VPS13A: variants seen among roughly 807,000 people sequenced by gnomAD.
VPS13A encodes intermembrane lipid transfer protein VPS13A.
VPS13A carries 264 observed loss-of-function variants against 390.9 expected under a neutral mutation model. The observed-to-expected ratio is 0.68, with a 90% CI of 0.61 to 0.75. The LOEUF (loss-of-function observed/expected upper bound fraction) is 0.75, where lower values mean the gene tolerates loss of function less well. Among genes scored for constraint, VPS13A ranks in the 30% least tolerant of loss-of-function variants. The pLI, the probability that VPS13A is intolerant of heterozygous loss-of-function variation, is 0.00. For synonymous variants in VPS13A, 1,231 were observed against 1,227.1 expected, an observed-to-expected ratio of 1.00 and a Z score of -0.07; for missense variants, 3,409 against 3,733.9, an observed-to-expected ratio of 0.91 and a Z score of 2.27.
intron 42 of VPS13A, among the ~76,000 whole-genome samples, chr9:77,320,511 G>A (rs1829682636): frequency 1.3e-5 from 2 of 152,060 alleles, no homozygotes. Flanking sequence ...TAATGACTTG[G>A]TCAACCTGCA....
Position 77,293,357 on chromosome 9 carries a change from G to A in VPS13A, c.3356G>A (p.Gly1119Glu), listed in dbSNP as rs144358567. 2.5e-3 allele frequency: 4,048 copies of A among 1,612,310 alleles called. 26 individuals carry two copies. The highest frequency in any genetic ancestry group is 9.7e-3 in the Middle Eastern group (58 of 6,008). ...CTTATTAAGGCTGTTTATATCACTG[G>A]AAAAGAAGTTTTCAGCTTCAAAATG... ...AIYKKAVYITGKEVFSFKMVS... is the reference protein window; with the variant it reads ...AIYKKAVYITEKEVFSFKMVS... The change falls in exon 32 of 72, where the codon GGA (glycine) becomes GAA (glutamate). Residue 1119 changes from glycine (G) to glutamate (E), a missense_variant. Gly to Glu is a moderately conservative substitution (Grantham distance 98). Transcript: ENST00000360280.
chr9:77,342,948 A>T (rs1830918085), intron 50 of VPS13A, among the ~76,000 whole-genome samples: 1 of 152,112 alleles, frequency 6.6e-6, no homozygotes, highest in Non-Finnish European at 1.5e-5. Flanking sequence ...GACCTGGGGG[A>T]TGGAGTAGGA....
chr9:77,352,711 G>A (rs965312247), intron 53 of VPS13A, among the ~76,000 whole-genome samples: 1 of 152,014 alleles, frequency 6.6e-6, no homozygotes, highest in African/African-American at 2.4e-5. Flanking sequence ...TACTTAGAAA[G>A]TATTACAAGT....
At chr9:77,298,557 T>C (rs1828146805) in intron 33 of VPS13A, among the ~76,000 whole-genome samples, 1 of 152,184 alleles carries the variant, frequency 6.6e-6, no homozygotes. Context: ...CTTGGTATTT[T>C]GTATTTGGAA....
At chr9:77,334,895 G>A (rs1377865368) in intron 46 of VPS13A, among the ~76,000 whole-genome samples, 3 of 152,170 alleles carry the variant, frequency 2.0e-5, no homozygotes, top group Admixed American at 2.0e-4. Context: ...GCTTCAGTCA[G>A]GTAAGAAGGA....
At chr9:77,376,162 C>G (rs1833062002) in intron 67 of VPS13A, among the ~76,000 whole-genome samples, 1 of 152,108 alleles carries the variant, frequency 6.6e-6, no homozygotes, top group Non-Finnish European at 1.5e-5. Context: ...AGCCCTGATG[C>G]AAGAATGTGC....
Position 77,337,358 on chromosome 9 carries a change from T to C in VPS13A, c.6199T>C (p.Cys2067Arg). ...KNDGALLKKKCRSKNPSKESF... is the reference protein window; with the variant it reads ...KNDGALLKKKRRSKNPSKESF... ...TGATGGTGCTCTTCTAAAGAAGAAA[T>C]GTAGATCTAAAAACCCTTCTAAGGA... The change falls in exon 47 of 72, where the codon TGT becomes CGT. Residue 2067 changes from cysteine (C) to arginine (R), a missense_variant. By Grantham distance (180) the Cys-to-Arg change is radical. Transcript: ENST00000360280. 1 of 1,612,950 alleles carries C rather than the reference T, an allele frequency of 6.2e-7. No homozygotes were observed. Among genetic ancestry groups the C allele is most frequent in the Non-Finnish European group, 8.5e-7 (1 of 1,179,208 alleles).
At chr9:77,369,631 G>C (rs1000396474) in intron 63 of VPS13A, among the ~76,000 whole-genome samples, 1 of 152,232 alleles carries the variant, frequency 6.6e-6, no homozygotes, top group Non-Finnish European at 1.5e-5. Flanking sequence ...ACGCTGAATT[G>C]TAAGTGTTCT....
chr9:77,224,160 T>C (rs1823378741), intron 13 of VPS13A, among the ~76,000 whole-genome samples: 1 of 152,186 alleles, frequency 6.6e-6, no homozygotes, highest in African/African-American at 2.4e-5. Flanking sequence ...TTATTGCTAA[T>C]AGACAATGCA....
chr9:77,253,635 A>C (rs533056239), intron 22 of VPS13A, among the ~76,000 whole-genome samples: 3 of 152,202 alleles, frequency 2.0e-5, no homozygotes, highest in African/African-American at 4.8e-5. Context: ...TATATTTTGG[A>C]TATTAACTCT....
chr9:77,220,603 C>T (rs376199555), intron 12 of VPS13A, among the ~76,000 whole-genome samples: 5 of 151,906 alleles, frequency 3.3e-5, no homozygotes, highest in South Asian at 4.2e-4. Context: ...TCGAGATGCT[C>T]GAATACCATA....
intron 56 of VPS13A, among the ~76,000 whole-genome samples, chr9:77,358,039 C>T (rs1273336911): frequency 6.8e-6 from 1 of 148,018 alleles, no homozygotes; most frequent in Non-Finnish European, 1.5e-5. Context: ...CACTGCAAAC[C>T]CTGCCTCCCA....
At chr9:77,198,985 A>C (rs1026869815) in intron 1 of VPS13A, among the ~76,000 whole-genome samples, 1 of 152,032 alleles carries the variant, frequency 6.6e-6, no homozygotes, top group Non-Finnish European at 1.5e-5. Context: ...ATTTTAATCC[A>C]TTCTGCCAAT....
chr9:77,372,353 G>T (rs1832822285), intron 67 of VPS13A, among the ~76,000 whole-genome samples: 1 of 152,020 alleles, frequency 6.6e-6, no homozygotes, highest in African/African-American at 2.4e-5. Flanking sequence ...TCTAACTGGT[G>T]TGAGATGGTA....
At chr9:77,241,450 T>TTC (rs1554870056) in intron 19 of VPS13A, among the ~76,000 whole-genome samples, 2 of 151,456 alleles carry the variant, frequency 1.3e-5, no homozygotes, top group Non-Finnish European at 2.9e-5. Context: ...TTTTTTTTTT[T>TTC]CAGAGATCAT....
chr9:77,388,230 C>T lies in VPS13A; in HGVS notation c.9189+6143C>T, dbSNP rs367602650. 4.4e-3 allele frequency among the ~76,000 whole-genome samples: 667 copies of T among 152,254 alleles called. 13 individuals carry two copies. The highest frequency in any genetic ancestry group is 0.042 in the South Asian group (205 of 4,828). On this transcript the variant is annotated intron_variant, in intron 68 of 71. Transcript: ENST00000360280. ...AATGGAGATCAATTAAGAATGCTTA[C>T]ACTGTTAATTTAATCATTAATATTA... is the stretch of plus-strand genomic sequence containing the variant.
intron 68 of VPS13A, among the ~76,000 whole-genome samples, chr9:77,397,936 T>C (rs1243485961): frequency 6.6e-6 from 1 of 152,178 alleles, no homozygotes; most frequent in Non-Finnish European, 1.5e-5. Flanking sequence ...TTTAAGCATA[T>C]AAATGAGGCT....
intron 9 of VPS13A, 122 bp from the exon 10 acceptor site, chr9:77,214,207 C>T (rs1339505187): frequency 1.3e-6 from 1 of 796,752 alleles, no homozygotes; most frequent in Non-Finnish European, 2.2e-6. Context: ...GTCCATGAGA[C>T]AGGGGTTGCA....
chr9:77,358,552 G>A (rs1381306443), intron 57 of VPS13A, 114 bp downstream of exon 57: 4 of 906,382 alleles, frequency 4.4e-6, no homozygotes, highest in South Asian at 1.4e-5. Flanking sequence ...TAGGATAATT[G>A]GAAAATTAAA....
Sources: gnomAD v4.1 joint callset for allele counts (sites outside exome capture counted in the v4.1 genomes callset) on GRCh38, gnomAD v4.1.1 for gene constraint, MANE v1.5 for transcripts, NCBI Gene and HGNC (gene_info 2026-07-23, HGNC 2026-07-21) for gene names.